The following IMMP1L variants were observed in gnomAD, a reference collection of about 807,000 sequenced individuals.
IMMP1L encodes the protein mitochondrial inner membrane protease subunit 1.
Under a neutral mutation model 21.8 loss-of-function variants are expected in IMMP1L, and 24 were observed. The observed-to-expected ratio is 1.10, with a 90% CI of 0.80 to 1.55. The LOEUF is 1.55. Among genes scored for constraint, IMMP1L ranks in the 40% most tolerant of loss-of-function variants. The pLI is 0.00. For synonymous variants in IMMP1L, 46 were observed against 62.8 expected (o/e 0.73, Z 1.26); for missense variants, 195 against 200.7 (o/e 0.97, Z 0.17).
chr11:31,488,785 G>A (rs916085096), intron 1 of IMMP1L, among the ~76,000 whole-genome samples: 2 of 151,996 alleles, frequency 1.3e-5, no homozygotes, highest in African/African-American at 2.4e-5. Flanking sequence ...AAAGCAATAC[G>A]TTTGACACTG....
intron 3 of IMMP1L, among the ~76,000 whole-genome samples, chr11:31,460,421 G>A (rs1418898176): frequency 2.0e-5 from 3 of 152,106 alleles, no homozygotes; most frequent in African/African-American, 7.2e-5. Flanking sequence ...GAGATACAAT[G>A]ACCCAAGACA....
chr11:31,456,445 G>A, intron 3 of IMMP1L, 59 bp from the exon 4 acceptor site: 1 of 1,343,500 alleles, frequency 7.4e-7, no homozygotes, highest in South Asian at 1.2e-5. Flanking sequence ...ACACATGCAT[G>A]GCACTGCTTT....
At chr11:31,446,416 A>G (rs1225601235) in intron 4 of IMMP1L, among the ~76,000 whole-genome samples, 3 of 152,122 alleles carry the variant, frequency 2.0e-5, no homozygotes, top group Non-Finnish European at 4.4e-5. Flanking sequence ...TGATCATGTT[A>G]TTCCCCTGCT....
chr11:31,459,722 G>C (rs1450773186), intron 3 of IMMP1L, among the ~76,000 whole-genome samples: 2 of 152,040 alleles, frequency 1.3e-5, no homozygotes, highest in African/African-American at 4.8e-5. Context: ...TCCTGCCTCA[G>C]CCTGCTGTGA....
At chr11:31,459,503 T>C (rs1954066333) in intron 3 of IMMP1L, among the ~76,000 whole-genome samples, 1 of 152,218 alleles carries the variant, frequency 6.6e-6, no homozygotes. Context: ...TATTAAATTA[T>C]TAATACTTGA....
At chr11:31,462,823 A>C (rs1370418390) in intron 2 of IMMP1L, among the ~76,000 whole-genome samples, 1 of 152,220 alleles carries the variant, frequency 6.6e-6, no homozygotes, top group Non-Finnish European at 1.5e-5. Flanking sequence ...GAAGTGTAAA[A>C]GATTAAATGA....
chr11:31,456,624 G>A (rs1357185339), intron 3 of IMMP1L, among the ~76,000 whole-genome samples: 2 of 151,884 alleles, frequency 1.3e-5, no homozygotes, highest in Non-Finnish European at 1.5e-5. Flanking sequence ...AATTTCAGAA[G>A]ATTCTAAACT....
chr11:31,480,665 T>G (rs1564999063), intron 1 of IMMP1L, among the ~76,000 whole-genome samples: 1 of 152,108 alleles, frequency 6.6e-6, no homozygotes, highest in East Asian at 1.9e-4. Flanking sequence ...AATCAATTTT[T>G]TATGACCTAG....
chr11:31,456,788 G>A (rs746226207), intron 3 of IMMP1L, among the ~76,000 whole-genome samples: 5 of 145,380 alleles, frequency 3.4e-5, no homozygotes, highest in African/African-American at 5.2e-5. Context: ...GGGAGGCTAC[G>A]GCAAGAGGAT....
intron 2 of IMMP1L, 111 bp downstream of exon 2, chr11:31,463,061 G>T: frequency 1.3e-6 from 1 of 759,896 alleles, no homozygotes; most frequent in Non-Finnish European, 2.0e-6. Context: ...AACTTTCACA[G>T]TTTAGTCATT....
chr11:31,473,770 G>A, intron 1 of IMMP1L: 20 of 984,866 alleles, frequency 2.0e-5, no homozygotes, highest in Non-Finnish European at 2.4e-5. Context: ...CCACCTGATT[G>A]TTCAGGTCTG....
intron 4 of IMMP1L, among the ~76,000 whole-genome samples, chr11:31,438,550 C>T (rs1279874570): frequency 1.3e-5 from 2 of 151,902 alleles, no homozygotes; most frequent in African/African-American, 2.4e-5. Context: ...TATTGTGTTT[C>T]GTGCTTTTCG....
intron 4 of IMMP1L, among the ~76,000 whole-genome samples, chr11:31,439,211 C>G (rs1341334329): frequency 6.6e-6 from 1 of 152,084 alleles, no homozygotes; most frequent in Non-Finnish European, 1.5e-5. Context: ...CTCTTCTACC[C>G]ACTATCCTGG....
At chr11:31,492,064 G>A (rs1317791817) in intron 1 of IMMP1L, among the ~76,000 whole-genome samples, 1 of 152,174 alleles carries the variant, frequency 6.6e-6, no homozygotes, top group Non-Finnish European at 1.5e-5. Context: ...TTAGGAGAGT[G>A]AGCCTGTCCT....
At chr11:31,497,460 CTTTT>C (rs796666845) in intron 1 of IMMP1L, among the ~76,000 whole-genome samples, 22 of 123,980 alleles carry the variant, frequency 1.8e-4, no homozygotes, top group Admixed American at 9.7e-4. Context: ...TATTTCTTTT[CTTTT>C]TTTTTTTTTT....
chr11:31,471,231 C>T (rs912799724), intron 1 of IMMP1L, among the ~76,000 whole-genome samples: 1 of 152,120 alleles, frequency 6.6e-6, no homozygotes, highest in African/African-American at 2.4e-5. Context: ...CATAACTGTA[C>T]ACAATTATTA....
intron 1 of IMMP1L, among the ~76,000 whole-genome samples, chr11:31,505,229 G>A (rs1368416818): frequency 6.6e-6 from 1 of 151,716 alleles, no homozygotes; most frequent in Non-Finnish European, 1.5e-5. Flanking sequence ...TTTCCTGCAG[G>A]ATTTACAACA....
intron 4 of IMMP1L, among the ~76,000 whole-genome samples, chr11:31,439,189 A>G (rs1423062940): frequency 6.6e-6 from 1 of 152,114 alleles, no homozygotes; most frequent in East Asian, 1.9e-4. Flanking sequence ...AAAAAAATGT[A>G]TAGATCACCT....
intron 1 of IMMP1L, among the ~76,000 whole-genome samples, chr11:31,500,542 C>T (rs1955584419): frequency 6.6e-6 from 1 of 151,584 alleles, no homozygotes; most frequent in South Asian, 2.1e-4. Context: ...TCTTCCTAAA[C>T]TTTCAGGAAA....
Sources: gnomAD v4.1 joint callset for allele counts (sites outside exome capture counted in the v4.1 genomes callset) on GRCh38, gnomAD v4.1.1 for gene constraint, MANE v1.5 for transcripts, NCBI Gene and HGNC (gene_info 2026-07-23, HGNC 2026-07-21) for gene names.